The following SLF1 variants were observed in gnomAD, a reference collection of about 807,000 sequenced individuals.
The protein encoded by SLF1 is SMC5/6 complex localization factor 1.
Under a neutral mutation model 123.0 loss-of-function variants are expected in SLF1, and 105 were observed. The observed-to-expected ratio is 0.85, with a 90% confidence interval of 0.73 to 1.00. The LOEUF is 1.00. Ranked by LOEUF, SLF1 falls within the 50% of genes least tolerant of loss-of-function variation. SLF1 has a pLI of 0.00. For missense variants in SLF1, 1,239 were observed against 1,223.0 expected, an observed-to-expected ratio of 1.01 and a Z score of -0.20; for synonymous variants, 434 against 406.6, an observed-to-expected ratio of 1.07 and a Z score of -0.81.
intron 8 of SLF1, among the ~76,000 whole-genome samples, chr5:94,653,735 G>T (rs1269999667): frequency 1.3e-5 from 2 of 152,244 alleles, no homozygotes; most frequent in Non-Finnish European, 2.9e-5. Context: ...GTGTATAGTT[G>T]GGTAATACTT....
intron 5 of SLF1, among the ~76,000 whole-genome samples, chr5:94,646,931 T>C (rs971133309): frequency 6.6e-6 from 1 of 152,224 alleles, no homozygotes; most frequent in African/African-American, 2.4e-5. Flanking sequence ...TTTACATGCT[T>C]AGTCATATTT....
Position 94,649,486 on chromosome 5 carries a change from C to A in SLF1, c.627C>A (p.Thr209=). The A allele has an allele frequency of 1.3e-6, 2 of 1,513,670 alleles. No individual in the cohort carries two copies. The highest frequency in any genetic ancestry group is 1.3e-5 in the South Asian group (1 of 78,510). 93.8% of individuals were successfully genotyped at this position (1,513,670 alleles called of 1,614,324 possible). A position where few individuals can be genotyped will look rare whatever the true frequency, so the allele number is the denominator to read the frequency against. Residue 209 remains threonine (T), a synonymous_variant, in exon 6 of 21, where the codon ACC becomes ACA. Coordinates refer to ENST00000265140, the MANE Select transcript of SLF1 (RefSeq NM_032290.4). ...TTCAGAATGATGAAGATTCCCAAAC[C>A]AATTCTGTTTGGACTGAACATAGCA... is the stretch of plus-strand genomic sequence containing the variant. The part of the protein sequence containing the change: ...KEIQNDEDSQ[T]NSVWTEHSNE...
chr5:94,673,811 AAGTT>A (rs1255194980), intron 14 of SLF1, among the ~76,000 whole-genome samples: 4 of 152,058 alleles, frequency 2.6e-5, no homozygotes, highest in African/African-American at 2.4e-5. Context: ...AGGAAAATAA[AAGTT>A]AGTTCTTTTT....
chr5:94,670,807 G>A, intron 13 of SLF1, 36 bp from the exon 14 acceptor site: 1 of 1,468,840 alleles, frequency 6.8e-7, no homozygotes, highest in African/African-American at 1.4e-5. Flanking sequence ...GATCAAATTG[G>A]CTTAAAGATA....
At chr5:94,656,353 G>A (rs907015045) in intron 9 of SLF1, among the ~76,000 whole-genome samples, 2 of 151,704 alleles carry the variant, frequency 1.3e-5, no homozygotes, top group Non-Finnish European at 2.9e-5. Flanking sequence ...CTTGATCATA[G>A]TGTACTGACT....
intron 11 of SLF1, 28 bp downstream of exon 11, chr5:94,663,936 CT>C: frequency 2.8e-6 from 4 of 1,445,306 alleles, no homozygotes; most frequent in Admixed American, 3.0e-5. Flanking sequence ...GATTTATAAT[CT>C]TTTTTTCAAA....
At chr5:94,626,097 CA>C (rs199920547) in intron 1 of SLF1, among the ~76,000 whole-genome samples, 18 of 149,284 alleles carry the variant, frequency 1.2e-4, no homozygotes, top group Non-Finnish European at 2.5e-4. Context: ...ACTAAAAATA[CA>C]AAAAAAAAGC....
At position 94,696,718 on chromosome 5, in the gene SLF1, C is replaced by T. The variant is rs547633819; in HGVS notation, c.*1406C>T. 3.3e-4 allele frequency: 50 copies of T among 151,868 alleles called. 1 individual carries two copies. Among genetic ancestry groups the T allele is most frequent in the African/African-American group, 1.2e-3 (49 of 41,510 alleles). 9.4% of individuals were successfully genotyped at this position (151,868 alleles called of 1,614,324 possible). A position where few individuals can be genotyped will look rare whatever the true frequency, so the allele number is the denominator to read the frequency against. ...TGGTAAACTAATATAAACTTGTAAA[C>T]ATAGGCTTTGACATCATACACATTT... On this transcript the variant is annotated 3_prime_UTR_variant, in exon 21 of 21. Coordinates refer to ENST00000265140, the MANE Select transcript of SLF1 (RefSeq NM_032290.4).
chr5:94,677,129 A>G (rs1282649084), intron 14 of SLF1, among the ~76,000 whole-genome samples: 1 of 152,222 alleles, frequency 6.6e-6, no homozygotes, highest in Non-Finnish European at 1.5e-5. Context: ...AGATTATAGT[A>G]TAAAAGGATC....
chr5:94,663,927 A>C lies in SLF1; in HGVS notation c.1368+19A>C. ...TCTACAGGTAAGAGCAGCCTTAAGG[A>C]TTTATAATCTTTTTTTCAAAGAATG... is the stretch of plus-strand genomic sequence containing the variant. On this transcript the variant is annotated intron_variant, in intron 11 of 20. Transcript: ENST00000265140. 6.9e-7 allele frequency: 1 copy of C among 1,455,806 alleles called. No individual in the cohort carries two copies. Among genetic ancestry groups the C allele is most frequent in the Non-Finnish European group, 9.1e-7 (1 of 1,102,042 alleles). The allele number at this position is 1,455,806 out of a possible 1,614,324, so 90.2% of individuals were successfully genotyped here.
Position 94,651,760 on chromosome 5 carries a change from A to G in SLF1, c.797A>G (p.Lys266Arg), listed in dbSNP as rs1337698865. The G allele has an allele frequency of 2.0e-6, 3 of 1,533,700 alleles. No homozygotes were observed. Among genetic ancestry groups the G allele is most frequent in the African/African-American group, 1.4e-5 (1 of 72,334 alleles). The change falls in exon 7 of 21, where the codon AAA (lysine) becomes AGA (arginine). Residue 266 changes from lysine (K) to arginine (R), a missense_variant. Coordinates refer to ENST00000265140, the MANE Select transcript of SLF1 (RefSeq NM_032290.4). The stretch of plus-strand genomic sequence containing the variant: ...GGTTCTATTTTGATTCAACATCACA[A>G]AAAAGAAAAATTCAGTGGTTCCAGT... ...NVGSILIQHHKKEKFSGSSKD... is the reference protein window; with the variant it reads ...NVGSILIQHHRKEKFSGSSKD...
intron 14 of SLF1, among the ~76,000 whole-genome samples, chr5:94,676,149 T>C (rs1220655203): frequency 1.3e-5 from 2 of 152,186 alleles, no homozygotes; most frequent in African/African-American, 2.4e-5. Context: ...CAGATACATA[T>C]TATGTTGGAA....
intron 17 of SLF1, among the ~76,000 whole-genome samples, chr5:94,689,092 G>A (rs1388170648): frequency 1.3e-5 from 2 of 152,196 alleles, no homozygotes; most frequent in East Asian, 3.8e-4. Context: ...CAGAAAGCCT[G>A]AAAGCTTCTG....
intron 12 of SLF1, among the ~76,000 whole-genome samples, chr5:94,667,409 TTTC>T (rs1749901803): frequency 1.3e-5 from 2 of 152,224 alleles, no homozygotes; most frequent in Admixed American, 1.3e-4. Flanking sequence ...AAAGTTCCTG[TTTC>T]TTCTTATATA....
intron 1 of SLF1, among the ~76,000 whole-genome samples, chr5:94,627,982 C>A (rs1744733002): frequency 6.6e-6 from 1 of 151,862 alleles, no homozygotes; most frequent in African/African-American, 2.4e-5. Flanking sequence ...GACGTGCCGC[C>A]ACGCTGGGCT....
intron 9 of SLF1, among the ~76,000 whole-genome samples, chr5:94,661,431 G>A (rs1167864108): frequency 1.3e-5 from 2 of 152,058 alleles, no homozygotes; most frequent in Non-Finnish European, 1.5e-5. Context: ...CCTATTCAGT[G>A]TGTGATTATC....
At chr5:94,677,305 C>G (rs1351612241) in intron 14 of SLF1, among the ~76,000 whole-genome samples, 2 of 152,034 alleles carry the variant, frequency 1.3e-5, no homozygotes, top group Non-Finnish European at 2.9e-5. Context: ...ATTCCTGTTA[C>G]TTGTCGTCTA....
At position 94,626,078 on chromosome 5, in the gene SLF1, C is replaced by T. The variant is rs575851860; in HGVS notation, c.1-2733C>T. 6.0e-5 allele frequency among the ~76,000 whole-genome samples: 9 copies of T among 150,352 alleles called. No homozygotes were observed. In the East Asian group the frequency reaches 1.4e-3, roughly 23 times the overall value. On this transcript the variant is annotated intron_variant, in intron 1 of 20. Coordinates refer to ENST00000265140, the MANE Select transcript of SLF1 (RefSeq NM_032290.4). ...ACCGTCCTGGCTAACACGGTGAAAC[C>T]CTGTCTCTACTAAAAATACAAAAAA... is the stretch of plus-strand genomic sequence containing the variant.
At position 94,656,363 on chromosome 5, in the gene SLF1, T is replaced by C. The variant is rs572719685; in HGVS notation, c.1155+1611T>C. Among the ~76,000 whole-genome samples, 60 of 152,064 alleles carry C rather than the reference T, an allele frequency of 3.9e-4. 1 individual carries two copies. The South Asian group carries it at 8.1e-3, about 21-fold the overall frequency. On this transcript the variant is annotated intron_variant, in intron 9 of 20. Coordinates refer to ENST00000265140, the MANE Select transcript of SLF1 (RefSeq NM_032290.4). ...ATACACTTGATCATAGTGTACTGAC[T>C]CTTTGCTATGTTGTTGGATTTAGTT...
Sources: gnomAD v4.1 joint callset for allele counts (sites outside exome capture counted in the v4.1 genomes callset) on GRCh38, gnomAD v4.1.1 for gene constraint, MANE v1.5 for transcripts, NCBI Gene and HGNC (gene_info 2026-07-23, HGNC 2026-07-21) for gene names.